The following TBCK variants were observed in gnomAD, a reference collection of about 807,000 sequenced individuals.
The protein encoded by TBCK is TBC domain-containing protein kinase-like protein.
In TBCK, 99 loss-of-function variants were observed where a neutral mutation model predicts 113.4. The ratio of observed to expected loss-of-function variants is 0.87; its 90% CI spans 0.74 to 1.03. TBCK has a LOEUF of 1.03. Ranked by LOEUF, TBCK falls within the 50% of genes least tolerant of loss-of-function variation. The pLI, the probability that TBCK is intolerant of heterozygous loss-of-function variation, is 0.00. For missense variants in TBCK, 1,045 were observed against 1,061.3 expected (o/e 0.98, Z 0.21); for synonymous variants, 369 against 370.8 (o/e 1.00, Z 0.05).
At chr4:106,117,406 A>T (rs1009913111) in intron 23 of TBCK, among the ~76,000 whole-genome samples, 2 of 152,194 alleles carry the variant, frequency 1.3e-5, no homozygotes, top group Non-Finnish European at 2.9e-5. Context: ...TGGAAACTTG[A>T]TTCTCAGAGA....
chr4:106,047,686 G>T (rs1734368019), intron 25 of TBCK, among the ~76,000 whole-genome samples: 1 of 151,998 alleles, frequency 6.6e-6, no homozygotes, highest in African/African-American at 2.4e-5. Flanking sequence ...CTTCTATTTT[G>T]TTTTCTTCTT....
intron 23 of TBCK, among the ~76,000 whole-genome samples, chr4:106,138,148 A>G (rs549260059): frequency 7.1e-6 from 1 of 141,354 alleles, no homozygotes; most frequent in African/African-American, 2.5e-5. Context: ...CTGAATATCA[A>G]TTATTTCCTC....
chr4:106,244,397 C>T (rs1387333633), intron 11 of TBCK, among the ~76,000 whole-genome samples: 3 of 152,034 alleles, frequency 2.0e-5, no homozygotes, highest in Non-Finnish European at 4.4e-5. Context: ...AAGCAAATTA[C>T]TGATCAAAGA....
At position 106,235,310 on chromosome 4, in the gene TBCK, G is replaced by A; in HGVS notation, c.1408C>T (p.Leu470Phe). 1.2e-6 allele frequency: 2 copies of A among 1,610,820 alleles called. No individual in the cohort carries two copies. Among genetic ancestry groups the A allele is most frequent in the Middle Eastern group, 1.7e-4 (1 of 6,042 alleles). Residue 470 changes from leucine (L) to phenylalanine (F), a missense_variant, in exon 15 of 26, where the codon CTT becomes TTT. By Grantham distance (22) the Leu-to-Phe change is conservative. Coordinates refer to ENST00000394708, the MANE Select transcript of TBCK (RefSeq NM_001163435.3). ...GCAGCCCAGGTTAAACCTCTCATAA[G>A]AGGAGGAATGTCAACTCTTGCTTCT... ...WKEARVDIPP[L>F]MRGLTWAALL...
rs949525532 is a variant in TBCK, at chr4:106,140,061, A to C, written c.2236-23683T>G. Among the ~76,000 whole-genome samples the C allele has an allele frequency of 5.7e-5, 8 of 141,348 alleles. 2 individuals are homozygous for C. The highest frequency in any genetic ancestry group is 1.3e-4 in the Non-Finnish European group (8 of 62,124). 92.7% of individuals were successfully genotyped at this position (141,348 alleles called of 152,430 possible). ...GATGAATTGTAATAGATGAATTACA[A>C]TAATATTTATTGTAGATATATTCAA... On this transcript the variant is annotated intron_variant, in intron 23 of 25. Transcript: ENST00000394708.
At chr4:106,049,116 G>C (rs980768895) in intron 25 of TBCK, among the ~76,000 whole-genome samples, 2 of 152,090 alleles carry the variant, frequency 1.3e-5, no homozygotes, top group Admixed American at 1.3e-4. Flanking sequence ...GTGAAACCAC[G>C]ACTGCATCTT....
intron 23 of TBCK, among the ~76,000 whole-genome samples, chr4:106,136,202 C>T (rs1264340176): frequency 7.2e-6 from 1 of 139,246 alleles, no homozygotes; most frequent in African/African-American, 2.5e-5. Flanking sequence ...TCTATAAATA[C>T]ATGCAATTCC....
chr4:106,059,238 T>A (rs1210886182), intron 25 of TBCK, among the ~76,000 whole-genome samples: 1 of 151,608 alleles, frequency 6.6e-6, no homozygotes, highest in Non-Finnish European at 1.5e-5. Context: ...ACTTAGAGGG[T>A]TGTTGGAAAA....
chr4:106,081,628 T>C (rs1299364521), intron 25 of TBCK, among the ~76,000 whole-genome samples: 1 of 152,074 alleles, frequency 6.6e-6, no homozygotes, highest in Non-Finnish European at 1.5e-5. Context: ...CACACTTACC[T>C]GTGTAACAAA....
intron 23 of TBCK, among the ~76,000 whole-genome samples, chr4:106,146,640 C>G (rs563575583): frequency 1.3e-5 from 2 of 152,264 alleles, no homozygotes; most frequent in South Asian, 4.2e-4. Context: ...GTCATCTAAG[C>G]CCCCAGCAAG....
At chr4:106,226,957 G>A (rs575117593) in intron 19 of TBCK, among the ~76,000 whole-genome samples, 2 of 152,204 alleles carry the variant, frequency 1.3e-5, no homozygotes, top group South Asian at 4.1e-4. Context: ...CATGGTCCTT[G>A]AAGTCAATGA....
At chr4:106,050,724 T>C (rs1734714763) in intron 25 of TBCK, among the ~76,000 whole-genome samples, 1 of 152,030 alleles carries the variant, frequency 6.6e-6, no homozygotes, top group Non-Finnish European at 1.5e-5. Flanking sequence ...ATGGGGGTCT[T>C]CAAATTGCAC....
intron 23 of TBCK, among the ~76,000 whole-genome samples, chr4:106,125,082 T>G (rs952171174): frequency 2.0e-5 from 3 of 151,824 alleles, no homozygotes; most frequent in African/African-American, 7.3e-5. Flanking sequence ...GCATGGACGT[T>G]AGTAAGGATG....
Position 106,069,158 on chromosome 4 carries a change from A to G in TBCK, c.2572-22478T>C, listed in dbSNP as rs112219951. ...AAGCTCTTTAGTTTAATTAGATCTC[A>G]TTTGTCAATTTTGGCTTTTGTTGCC... On this transcript the variant is annotated intron_variant, in intron 25 of 25. Coordinates refer to ENST00000394708, the MANE Select transcript of TBCK (RefSeq NM_001163435.3). 2.5e-4 allele frequency among the ~76,000 whole-genome samples: 38 copies of G among 152,152 alleles called. No individual in the cohort carries two copies. The South Asian group carries it at 7.7e-3, about 31-fold the overall frequency.
At chr4:106,233,196 G>A (rs759870381) in intron 16 of TBCK, 132 bp from the exon 17 acceptor site, 5 of 889,042 alleles carry the variant, frequency 5.6e-6, no homozygotes, top group Non-Finnish European at 8.2e-6. Flanking sequence ...CTTCTTAAGT[G>A]CCTAATTTTT....
intron 7 of TBCK, among the ~76,000 whole-genome samples, chr4:106,250,130 A>G (rs1183247993): frequency 6.6e-6 from 1 of 152,112 alleles, no homozygotes; most frequent in Non-Finnish European, 1.5e-5. Flanking sequence ...ACAATTTTAT[A>G]TTCTCATTTT....
intron 14 of TBCK, among the ~76,000 whole-genome samples, chr4:106,235,668 A>G (rs1022590845): frequency 5.3e-5 from 8 of 152,032 alleles, no homozygotes. Context: ...ATGGAGGATA[A>G]TAGTACCAGT....
chr4:106,140,017 G>A (rs1192029854), intron 23 of TBCK, among the ~76,000 whole-genome samples: 2 of 140,686 alleles, frequency 1.4e-5, no homozygotes, highest in South Asian at 2.4e-4. Context: ...TAAGTGAATT[G>A]TAATAGATGT....
In TBCK at chr4:106,184,821, C is replaced by A. The variant is rs377270068; in HGVS notation, c.2059+8788G>T. The stretch of plus-strand genomic sequence containing the variant: ...TATCATTTCTGTTGTTTAATACCTA[C>A]AATGAAATGAGAAATAAATAGGAAA... On this transcript the variant is annotated intron_variant, in intron 22 of 25. Transcript: ENST00000394708. Among the ~76,000 whole-genome samples, 18 of 152,068 alleles carry A rather than the reference C, an allele frequency of 1.2e-4. No homozygotes were observed. The South Asian group carries it at 3.7e-3, about 32-fold the overall frequency.
Sources: gnomAD v4.1 joint callset for allele counts (sites outside exome capture counted in the v4.1 genomes callset) on GRCh38, gnomAD v4.1.1 for gene constraint, MANE v1.5 for transcripts, NCBI Gene and HGNC (gene_info 2026-07-23, HGNC 2026-07-21) for gene names.